SLC25A29: variants seen among roughly 807,000 people sequenced by gnomAD.
SLC25A29 encodes the protein solute carrier family 25 member 29.
A neutral mutation model predicts 10.0 loss-of-function variants in SLC25A29; 13 were observed. The ratio of observed to expected loss-of-function variants is 1.30; its 90% CI spans 0.85 to 2.07. The LOEUF (loss-of-function observed/expected upper bound fraction) is 2.07, where lower values mean the gene tolerates loss of function less well. Among genes scored for constraint, SLC25A29 ranks in the 30% most tolerant of loss-of-function variants. SLC25A29 has a pLI of 0.00. For synonymous variants in SLC25A29, 244 were observed against 221.1 expected (o/e 1.10, Z -0.92); for missense variants, 475 against 447.6 (o/e 1.06, Z -0.55).
chr14:100,302,834 T>C (rs1892656084), intron 1 of SLC25A29, among the ~76,000 whole-genome samples: 1 of 152,000 alleles, frequency 6.6e-6, no homozygotes, highest in East Asian at 1.9e-4. Flanking sequence ...GTCGCTGAGA[T>C]TTTATCTGTG....
chr14:100,306,019 G>T (rs1418660511), intron 1 of SLC25A29, among the ~76,000 whole-genome samples, 180 bp downstream of exon 1: 1 of 152,146 alleles, frequency 6.6e-6, no homozygotes, highest in Non-Finnish European at 1.5e-5. Flanking sequence ...CTCGCGGACA[G>T]CCCGGGCCTG....
intron 1 of SLC25A29, among the ~76,000 whole-genome samples, chr14:100,301,653 G>A (rs1324947134): frequency 1.3e-5 from 2 of 151,868 alleles, no homozygotes; most frequent in Admixed American, 1.3e-4. Context: ...GGGAATACAG[G>A]TGCCCGCCAC....
chr14:100,293,392 T>TC lies in SLC25A29; in HGVS notation c.79-16dup. The TC allele has an allele frequency of 6.2e-7, 1 of 1,611,292 alleles. No individual in the cohort carries two copies. Among genetic ancestry groups the TC allele is most frequent in the Non-Finnish European group, 8.5e-7 (1 of 1,179,080 alleles). On this transcript the variant is annotated splice_polypyrimidine_tract_variant and intron_variant, in intron 2 of 3. Coordinates refer to ENST00000359232, the MANE Select transcript of SLC25A29 (RefSeq NM_001039355.3). Reference sequence around the variant, plus strand: ...TGAAGCCGTACCTGGAAGGAGAGGGTCCAGTGAGAGGCAGGCAGGCAGGAC... The same window carrying TC: ...TGAAGCCGTACCTGGAAGGAGAGGGTCCCAGTGAGAGGCAGGCAGGCAGGAC...
rs540332874 is a variant in SLC25A29 at position 100,292,095 on chromosome 14, A to G, written c.*188T>C. 3 of 686,962 alleles carry G rather than the reference A, an allele frequency of 4.4e-6. No individual in the cohort carries two copies. The African/African-American group carries it at 5.6e-5, about 13-fold the overall frequency. 42.6% of individuals were successfully genotyped at this position (686,962 alleles called of 1,614,324 possible). ...GTGGGCATGAGGGTCCTTATTTCAT[A>G]GATGAGAACACTGAGGCAAGTGCAG... is the stretch of plus-strand genomic sequence containing the variant. On this transcript the variant is annotated 3_prime_UTR_variant, in exon 4 of 4. Transcript: ENST00000359232.
At chr14:100,293,221 C>A in intron 3 of SLC25A29, 73 bp downstream of exon 3, 1 of 1,551,884 alleles carries the variant, frequency 6.4e-7, no homozygotes, top group South Asian at 1.2e-5. Context: ...GCTCTCTGGT[C>A]TGGGGTGGTG....
chr14:100,293,752 T>C (rs550262574), intron 2 of SLC25A29: 12 of 203,110 alleles, frequency 5.9e-5, no homozygotes, highest in African/African-American at 2.5e-4. Flanking sequence ...GAGCGGCCCA[T>C]GTCCCAGACT....
chr14:100,304,752 C>G (rs1362512411), intron 1 of SLC25A29, among the ~76,000 whole-genome samples: 2 of 152,210 alleles, frequency 1.3e-5, no homozygotes, highest in Non-Finnish European at 2.9e-5. Flanking sequence ...ACAGATGTGC[C>G]GGGAGGCGCC....
chr14:100,285,489 G>T, the SLC25A29 span, among the ~76,000 whole-genome samples: 1 of 151,664 alleles, frequency 6.6e-6, no homozygotes, highest in South Asian at 2.1e-4. Flanking sequence ...CGCGTGCGCA[G>T]CGCGGAGCGG....
Position 100,292,317 on chromosome 14 carries a change from G to A in SLC25A29, c.878C>T (p.Ala293Val), listed in dbSNP as rs772278067. 4.4e-5 allele frequency: 67 copies of A among 1,510,476 alleles called. No individual in the cohort carries two copies. The highest frequency in any genetic ancestry group is 1.5e-4 in the Admixed American group (7 of 45,394). 93.6% of individuals were successfully genotyped at this position (1,510,476 alleles called of 1,614,324 possible). ...PEGEAVPAAP[A>V]GPALAQPSSL ...GGAGGGCTGCGCCAGGGCAGGCCCC[G>A]CAGGGGCGGCGGGCACAGCCTCGCC... The change falls in exon 4 of 4, where the codon GCG becomes GTG. Residue 293 changes from alanine to valine, a missense_variant. Ala to Val is a moderately conservative substitution (Grantham distance 64). Transcript: ENST00000359232.
chr14:100,279,273 A>C, the SLC25A29 span: 1 of 152,234 alleles, frequency 6.6e-6, no homozygotes, highest in Admixed American at 6.5e-5. Context: ...GATAAATGAC[A>C]AACTAGCTAA....
intron 2 of SLC25A29, chr14:100,296,273 A>C: frequency 3.2e-6 from 1 of 314,024 alleles, no homozygotes; most frequent in Non-Finnish European, 6.3e-6. Context: ...TAACTTCAAA[A>C]AAAACATGAG....
intron 1 of SLC25A29, among the ~76,000 whole-genome samples, chr14:100,301,917 G>A (rs1299653518): frequency 2.6e-5 from 4 of 151,846 alleles, no homozygotes; most frequent in Non-Finnish European, 4.4e-5. Flanking sequence ...AGAGCTACCC[G>A]AAGAAGGCTC....
Position 100,306,246 on chromosome 14 carries a change from G to C in SLC25A29, c.-14C>G. 6.7e-7 allele frequency: 1 copy of C among 1,486,266 alleles called. No homozygotes were observed. The allele number at this position is 1,486,266 out of a possible 1,614,324, so 92.1% of individuals were successfully genotyped here. A position where few individuals can be genotyped will look rare whatever the true frequency, so the allele number is the denominator to read the frequency against. On this transcript the variant is annotated 5_prime_UTR_variant, in exon 1 of 4. Coordinates refer to ENST00000359232, the MANE Select transcript of SLC25A29 (RefSeq NM_001039355.3). Reference sequence around the variant, plus strand: ...GTCCAGCGCCATGGCCGGGTCCCCGGCGAGGCCGCCTTTCCTCCTCGTCCT... The same window carrying C: ...GTCCAGCGCCATGGCCGGGTCCCCGCCGAGGCCGCCTTTCCTCCTCGTCCT...
At chr14:100,295,856 A>G in intron 2 of SLC25A29, 1 of 1,289,642 alleles carries the variant, frequency 7.8e-7, no homozygotes, top group Non-Finnish European at 1.0e-6. Context: ...CTCCCTGATT[A>G]TTGCTGTGTC....
chr14:100,288,061 G>A (rs1455186844), downstream of SLC25A29, among the ~76,000 whole-genome samples: 1 of 152,112 alleles, frequency 6.6e-6, no homozygotes, highest in Non-Finnish European at 1.5e-5. Context: ...CTCAGAAGCT[G>A]TCAGACATAT....
rs1306459764 is a variant in SLC25A29 at position 100,292,534 on chromosome 14, C to T, written c.661G>A (p.Gly221Arg). The T allele has an allele frequency of 2.5e-6, 4 of 1,593,552 alleles. No individual in the cohort carries two copies. Among genetic ancestry groups the T allele is most frequent in the Non-Finnish European group, 8.5e-7 (1 of 1,171,716 alleles). Reference sequence around the variant, plus strand: ...CGGTAGCGCGGGGCGCCCCGCAGTCCGTCCGCCTGCAGCCGCGACTTGACC... The same window carrying T: ...CGGTAGCGCGGGGCGCCCCGCAGTCTGTCCGCCTGCAGCCGCGACTTGACC... ...DVVKSRLQAD[G>R]LRGAPRYRGI... Residue 221 changes from glycine (G) to arginine (R), a missense_variant, in exon 4 of 4, where the codon GGA becomes AGA. By Grantham distance (125) the Gly-to-Arg change is moderately radical (BLOSUM62 -2). Transcript: ENST00000359232.
downstream of SLC25A29, among the ~76,000 whole-genome samples, chr14:100,287,929 C>T (rs1482785795): frequency 2.6e-5 from 4 of 152,012 alleles, no homozygotes; most frequent in Non-Finnish European, 5.9e-5. Flanking sequence ...GGCTCACGGC[C>T]GTGGTCTCTC....
In SLC25A29 at chr14:100,295,574, C is replaced by T. The variant is rs1303901972; in HGVS notation, c.79-2197G>A. ...GGAACTCTGGGGTTGGGGAGATGGG[C>T]ATGACAGGGTGGGGTCCAGGCTGGG... On this transcript the variant is annotated intron_variant, in intron 2 of 3. Coordinates refer to ENST00000359232, the MANE Select transcript of SLC25A29 (RefSeq NM_001039355.3). 3.1e-6 allele frequency: 4 copies of T among 1,280,562 alleles called. No individual in the cohort carries two copies. In the African/African-American group the frequency reaches 6.1e-5, roughly 19 times the overall value. 79.3% of individuals were successfully genotyped at this position (1,280,562 alleles called of 1,614,324 possible). A position where few individuals can be genotyped will look rare whatever the true frequency, so the allele number is the denominator to read the frequency against.
At chr14:100,283,753 T>C in the SLC25A29 span, among the ~76,000 whole-genome samples, 1 of 152,134 alleles carries the variant, frequency 6.6e-6, no homozygotes, top group Non-Finnish European at 1.5e-5. Flanking sequence ...AGTGCTGGGA[T>C]TTCAGGCGTG....
Sources: gnomAD v4.1 joint callset for allele counts (sites outside exome capture counted in the v4.1 genomes callset) on GRCh38, gnomAD v4.1.1 for gene constraint, MANE v1.5 for transcripts, NCBI Gene and HGNC (gene_info 2026-07-23, HGNC 2026-07-21) for gene names.